The following CHN1 variants were observed in gnomAD, a reference collection of about 807,000 sequenced individuals.
CHN1 encodes N-chimaerin.
In CHN1, 37 loss-of-function variants were observed where a neutral mutation model predicts 59.5. The observed-to-expected ratio is 0.62, with a 90% CI of 0.48 to 0.82. The LOEUF is 0.82. Among genes scored for constraint, CHN1 ranks in the 40% least tolerant of loss-of-function variants. The pLI, the probability that CHN1 is intolerant of heterozygous loss-of-function variation, is 0.00. For synonymous variants in CHN1, 206 were observed against 200.4 expected, an observed-to-expected ratio of 1.03 and a Z score of -0.24; for missense variants, 469 against 571.0, an observed-to-expected ratio of 0.82 and a Z score of 1.82.
chr2:174,993,656 T>C (rs55709131), intron 1 of CHN1, among the ~76,000 whole-genome samples: 3 of 149,470 alleles, frequency 2.0e-5, no homozygotes, highest in Admixed American at 6.7e-5. Context: ...CTTTACCATA[T>C]GGAATGGCAA....
chr2:174,965,780 T>C (rs1419322843), intron 1 of CHN1, among the ~76,000 whole-genome samples: 1 of 152,224 alleles, frequency 6.6e-6, no homozygotes, highest in Admixed American at 6.5e-5. Flanking sequence ...TCCCCACCTG[T>C]TGCTGTTCTG....
intron 1 of CHN1, among the ~76,000 whole-genome samples, chr2:174,957,706 G>A (rs142051500): frequency 2.8e-4 from 43 of 152,160 alleles, no homozygotes; most frequent in African/African-American, 1.0e-3. Flanking sequence ...GTGGTGACCA[G>A]GTACCTCCTG....
At chr2:174,905,442 C>A (rs1030379593) in intron 5 of CHN1, among the ~76,000 whole-genome samples, 1 of 152,114 alleles carries the variant, frequency 6.6e-6, no homozygotes, top group Admixed American at 6.6e-5. Flanking sequence ...TTGAAATCAG[C>A]TTTTTGGCTT....
chr2:174,847,739 C>T (rs917973716), intron 6 of CHN1: 22 of 731,850 alleles, frequency 3.0e-5, no homozygotes, highest in Non-Finnish European at 4.2e-5. Context: ...TTTCTCCCTC[C>T]TCTCATGTAA....
chr2:174,888,258 C>T (rs918575013), intron 5 of CHN1, among the ~76,000 whole-genome samples: 1 of 152,114 alleles, frequency 6.6e-6, no homozygotes, highest in Non-Finnish European at 1.5e-5. Context: ...TTTGAAAGTC[C>T]TAGCAGGAAA....
At chr2:174,826,666 C>T (rs1685690425) in intron 7 of CHN1, among the ~76,000 whole-genome samples, 1 of 152,204 alleles carries the variant, frequency 6.6e-6, no homozygotes, top group African/African-American at 2.4e-5. Flanking sequence ...GGAAACAGCA[C>T]TGGCTACTGA....
intron 5 of CHN1, among the ~76,000 whole-genome samples, chr2:174,893,590 C>T (rs1347054980): frequency 2.0e-5 from 3 of 152,128 alleles, no homozygotes; most frequent in Non-Finnish European, 4.4e-5. Flanking sequence ...GCAATCCCTA[C>T]TAAAACCTCC....
chr2:174,879,214 A>G (rs1170731647), intron 5 of CHN1, among the ~76,000 whole-genome samples: 2 of 152,264 alleles, frequency 1.3e-5, no homozygotes, highest in Admixed American at 6.5e-5. Flanking sequence ...AACTTGTTAT[A>G]TAACAAAATT....
chr2:174,967,678 T>C (rs1690636543), intron 1 of CHN1, among the ~76,000 whole-genome samples: 1 of 152,194 alleles, frequency 6.6e-6, no homozygotes, highest in African/African-American at 2.4e-5. Context: ...TAGTGGAGAT[T>C]TTCCTTGTCA....
intron 6 of CHN1, among the ~76,000 whole-genome samples, chr2:174,861,128 G>C (rs1687055061): frequency 6.6e-6 from 1 of 152,092 alleles, no homozygotes; most frequent in Admixed American, 6.6e-5. Context: ...AGCTGTAAAA[G>C]AATCTTAGCT....
At chr2:174,821,222 A>G (rs1685484331) in intron 8 of CHN1, among the ~76,000 whole-genome samples, 1 of 152,126 alleles carries the variant, frequency 6.6e-6, no homozygotes. Flanking sequence ...TTTCTTCTGG[A>G]GGCTTAGGGG....
chr2:174,824,304 G>T, intron 8 of CHN1, 130 bp downstream of exon 8: 1 of 544,778 alleles, frequency 1.8e-6, no homozygotes, highest in South Asian at 2.8e-5. Context: ...TGAGAATCTG[G>T]CCTACTGCAT....
At chr2:174,966,766 A>T (rs1690606491) in intron 1 of CHN1, among the ~76,000 whole-genome samples, 1 of 152,208 alleles carries the variant, frequency 6.6e-6, no homozygotes, top group Non-Finnish European at 1.5e-5. Context: ...ACTTCTGATA[A>T]TGTTTCTCCT....
In CHN1 at chr2:174,822,414, C is replaced by T. The variant is rs144391111; in HGVS notation, c.712+2020G>A. ...CTTTCCAACATGATTGGGGTTGTAGCGTATTCCCAAAGATTATTCATAGGT... is the reference window on the plus strand; with the variant it reads ...CTTTCCAACATGATTGGGGTTGTAGTGTATTCCCAAAGATTATTCATAGGT... On this transcript the variant is annotated intron_variant, in intron 8 of 12. Coordinates refer to ENST00000409900, the MANE Select transcript of CHN1 (RefSeq NM_001822.7). 5.4e-3 allele frequency among the ~76,000 whole-genome samples: 815 copies of T among 152,190 alleles called. 3 individuals carry two copies. Among genetic ancestry groups the T allele is most frequent in the African/African-American group, 0.019 (770 of 41,514 alleles).
At chr2:174,859,726 T>C (rs1687013515) in intron 6 of CHN1, among the ~76,000 whole-genome samples, 1 of 152,198 alleles carries the variant, frequency 6.6e-6, no homozygotes, top group African/African-American at 2.4e-5. Context: ...CCAGGCCTTC[T>C]GACTTCCCTA....
At chr2:174,890,806 T>G (rs1688020886) in intron 5 of CHN1, among the ~76,000 whole-genome samples, 3 of 152,036 alleles carry the variant, frequency 2.0e-5, no homozygotes, top group Non-Finnish European at 4.4e-5. Context: ...CATGGAATAT[T>G]CTCCAGGTTA....
chr2:174,822,221 A>G (rs1020260461), intron 8 of CHN1, among the ~76,000 whole-genome samples: 3 of 152,230 alleles, frequency 2.0e-5, no homozygotes, highest in Admixed American at 1.3e-4. Flanking sequence ...GCTTTTAAGG[A>G]CAAGATATAA....
At chr2:174,878,157 TTAAGAAAAGTAAGCAACTGAA>T in intron 5 of CHN1, 29 bp from the exon 6 acceptor site, 2 of 1,511,378 alleles carry the variant, frequency 1.3e-6, no homozygotes, top group Non-Finnish European at 1.8e-6. Flanking sequence ...AAAGATGTTT[TTAAGAAAAGTAAGCAACTGAA>T]TTCTTTCTGA....
At chr2:174,801,339 CTTGCAAGTTGCAAG>C (rs55966265) in intron 12 of CHN1, among the ~76,000 whole-genome samples, 8 of 151,128 alleles carry the variant, frequency 5.3e-5, no homozygotes, top group African/African-American at 1.9e-4. Flanking sequence ...AGTGAGCTGC[CTTGCAAGTTGCAAG>C]TTGCAAGTTG....
Sources: allele counts gnomAD v4.1 joint callset (sites outside exome capture counted in the v4.1 genomes callset), GRCh38; gene constraint gnomAD v4.1.1; transcripts MANE v1.5; gene names NCBI Gene and HGNC (gene_info 2026-07-23, HGNC 2026-07-21).